PRKCE: variants seen among roughly 807,000 people sequenced by gnomAD.
PRKCE encodes the protein protein kinase C epsilon type.
A neutral mutation model predicts 85.4 loss-of-function variants in PRKCE; 16 were observed. That is an observed-to-expected ratio of 0.19 (90% CI 0.13 to 0.28). The LOEUF (loss-of-function observed/expected upper bound fraction) is 0.28, where lower values mean the gene tolerates loss of function less well. PRKCE is among the 10% of genes least tolerant of loss of function. The pLI is 1.00. For missense variants in PRKCE, 573 were observed against 975.2 expected, an observed-to-expected ratio of 0.59 and a Z score of 5.49; for synonymous variants, 388 against 371.5, an observed-to-expected ratio of 1.04 and a Z score of -0.51.
chr2:45,768,191 A>T (rs373353837), intron 1 of PRKCE, among the ~76,000 whole-genome samples: 1 of 151,616 alleles, frequency 6.6e-6, no homozygotes, highest in South Asian at 2.1e-4. Flanking sequence ...TCTCTTAGGA[A>T]ATTTGACCAT....
intron 2 of PRKCE, among the ~76,000 whole-genome samples, chr2:45,894,040 G>A (rs13400959): frequency 0.065 from 9,961 of 152,196 alleles, 377 homozygotes; most frequent in Middle Eastern, 0.12. Context: ...TAATGCCCCT[G>A]GGCATAGGAG....
At chr2:45,864,420 T>A (rs1013792352) in intron 2 of PRKCE, among the ~76,000 whole-genome samples, 2 of 152,188 alleles carry the variant, frequency 1.3e-5, no homozygotes, top group African/African-American at 4.8e-5. Context: ...CCTTCAACAT[T>A]TTTAGGAACA....
intron 1 of PRKCE, among the ~76,000 whole-genome samples, chr2:45,714,953 G>T (rs1186688469): frequency 6.6e-6 from 1 of 152,216 alleles, no homozygotes; most frequent in South Asian, 2.1e-4. Context: ...CAACCACAAG[G>T]TGTTTCACCT....
At chr2:45,938,680 A>G (rs963510846) in intron 2 of PRKCE, among the ~76,000 whole-genome samples, 1 of 152,198 alleles carries the variant, frequency 6.6e-6, no homozygotes, top group Non-Finnish European at 1.5e-5. Flanking sequence ...CTGTTTGACC[A>G]TAAACTCATG....
At chr2:46,049,275 C>T (rs553466644) in intron 10 of PRKCE, among the ~76,000 whole-genome samples, 26 of 152,206 alleles carry the variant, frequency 1.7e-4, no homozygotes, top group African/African-American at 3.4e-4. Context: ...TCAGTATTGC[C>T]GAGTGGGCTT....
chr2:46,147,246 G>A (rs6544874), intron 12 of PRKCE, among the ~76,000 whole-genome samples: 40,182 of 152,114 alleles, frequency 0.26, 8,329 homozygotes, highest in African/African-American at 0.58. Context: ...AAGAGCTTTC[G>A]ACAGGGAACT....
chr2:45,886,902 T>G (rs1695343375), intron 2 of PRKCE, among the ~76,000 whole-genome samples: 1 of 152,216 alleles, frequency 6.6e-6, no homozygotes, highest in South Asian at 2.1e-4. Flanking sequence ...CTAGAATAGT[T>G]TTTTCCAAAG....
chr2:45,742,295 A>T (rs568075542), intron 1 of PRKCE, among the ~76,000 whole-genome samples: 4 of 152,216 alleles, frequency 2.6e-5, no homozygotes, highest in African/African-American at 9.6e-5. Flanking sequence ...AACCTGTGCA[A>T]AAGGTGGCTT....
intron 2 of PRKCE, among the ~76,000 whole-genome samples, chr2:45,925,034 C>T (rs1324681352): frequency 2.6e-5 from 4 of 152,086 alleles, no homozygotes; most frequent in Admixed American, 2.6e-4. Flanking sequence ...ACTGAGGTAC[C>T]CTGGGCTGGG....
In PRKCE at chr2:45,905,752, C is replaced by T. The variant is rs1696923006; in HGVS notation, c.412+62689C>T. Among the ~76,000 whole-genome samples the T allele has an allele frequency of 1.3e-5, 2 of 152,212 alleles. No homozygotes were observed. The highest frequency in any genetic ancestry group is 1.3e-4 in the Admixed American group (2 of 15,280). On this transcript the variant is annotated intron_variant, in intron 2 of 14. Coordinates refer to ENST00000306156, the MANE Select transcript of PRKCE (RefSeq NM_005400.3). The surrounding 1 kb of genome is among the most constrained non-coding windows in gnomAD (Gnocchi z 4.4). ...ATGTTTACTGAAGGGTAAATGGAGA[C>T]CGGCCCATGCTCTTTATAGTCCCTG...
At chr2:46,150,230 G>C (rs1676484532) in intron 12 of PRKCE, among the ~76,000 whole-genome samples, 1 of 152,182 alleles carries the variant, frequency 6.6e-6, no homozygotes, top group Non-Finnish European at 1.5e-5. Context: ...TATTTGGCTA[G>C]AGGAAAAAGA....
chr2:45,729,057 C>G (rs1458744027), intron 1 of PRKCE, among the ~76,000 whole-genome samples: 1 of 152,152 alleles, frequency 6.6e-6, no homozygotes, highest in Non-Finnish European at 1.5e-5. Context: ...ATCTTGCTCT[C>G]AACTTGCCAA....
At chr2:46,099,273 A>G (rs756863465) in intron 11 of PRKCE, among the ~76,000 whole-genome samples, 20 of 152,200 alleles carry the variant, frequency 1.3e-4, no homozygotes, top group Middle Eastern at 3.4e-3. Context: ...TTTCTACCCC[A>G]CAAGATGACC....
chr2:46,103,273 A>G (rs1671406853), intron 11 of PRKCE, among the ~76,000 whole-genome samples: 1 of 152,138 alleles, frequency 6.6e-6, no homozygotes, highest in African/African-American at 2.4e-5. Context: ...GGTTTTCAGC[A>G]CTTTCTTACT....
In PRKCE at chr2:46,139,458, G is replaced by A. The variant is rs1675296154; in HGVS notation, c.1593-5635G>A. 6.6e-6 allele frequency among the ~76,000 whole-genome samples: 1 copy of A among 151,998 alleles called. No individual in the cohort carries two copies. Among genetic ancestry groups the A allele is most frequent in the Non-Finnish European group, 1.5e-5 (1 of 68,014 alleles). ...ATAATAGCCTGGATTATTTTGAAGT[G>A]GATTCCATTGCAATTAACACATAAA... On this transcript the variant is annotated intron_variant, in intron 11 of 14. Transcript: ENST00000306156. The surrounding 1 kb of genome is among the most constrained non-coding windows in gnomAD (Gnocchi z 5.2).
chr2:46,023,105 A>AAAAAAAAAAAAAAAAC (rs1706815735), intron 10 of PRKCE, among the ~76,000 whole-genome samples: 2 of 151,380 alleles, frequency 1.3e-5, no homozygotes, highest in African/African-American at 2.4e-5. Flanking sequence ...AAAAAAAAAA[A>AAAAAAAAAAAAAAAAC]AAAAATCATC....
At chr2:45,833,929 G>A (rs974547475) in intron 1 of PRKCE, among the ~76,000 whole-genome samples, 1 of 152,190 alleles carries the variant, frequency 6.6e-6, no homozygotes, top group African/African-American at 2.4e-5. Flanking sequence ...AGACTGTGCT[G>A]TGAGCAGATG....
chr2:45,680,534 T>C (rs1676806377), intron 1 of PRKCE, among the ~76,000 whole-genome samples: 1 of 152,242 alleles, frequency 6.6e-6, no homozygotes, highest in Non-Finnish European at 1.5e-5. Flanking sequence ...GTTTACATGC[T>C]TGCGACATGG....
chr2:46,097,315 G>A (rs1229412142), intron 11 of PRKCE, among the ~76,000 whole-genome samples: 1 of 152,008 alleles, frequency 6.6e-6, no homozygotes, highest in Non-Finnish European at 1.5e-5. Context: ...TCAGGAGATC[G>A]AGACCATCCT....
Sources: allele counts gnomAD v4.1 joint callset (sites outside exome capture counted in the v4.1 genomes callset), GRCh38; gene constraint gnomAD v4.1.1; non-coding constraint Gnocchi (gnomAD v3.1); transcripts MANE v1.5; gene names NCBI Gene and HGNC (gene_info 2026-07-23, HGNC 2026-07-21).